Variants in LNPK observed in about 807,000 individuals in gnomAD.
The protein encoded by LNPK is endoplasmic reticulum junction formation protein lunapark.
LNPK carries 29 observed loss-of-function variants against 55.2 expected under a neutral mutation model. The ratio of observed to expected loss-of-function variants is 0.53; its 90% CI spans 0.39 to 0.72. The LOEUF (loss-of-function observed/expected upper bound fraction) is 0.72. Ranked by LOEUF, LNPK falls within the 30% of genes least tolerant of loss-of-function variation. The probability of loss-of-function intolerance (pLI) is 0.00; values close to 1 mark genes in which losing one functional copy is unlikely to be tolerated. For missense variants in LNPK, 467 were observed against 494.8 expected (o/e 0.94, Z 0.53); for synonymous variants, 162 against 168.2 (o/e 0.96, Z 0.29).
intron 1 of LNPK, among the ~76,000 whole-genome samples, chr2:175,998,209 C>G (rs1309460740): frequency 6.6e-6 from 1 of 151,792 alleles, no homozygotes; most frequent in Non-Finnish European, 1.5e-5. Context: ...TTTGGGAGGC[C>G]GAGGCGGGTG....
At chr2:175,986,028 G>A (rs1162281656) in intron 4 of LNPK, among the ~76,000 whole-genome samples, 1 of 152,102 alleles carries the variant, frequency 6.6e-6, no homozygotes, top group African/African-American at 2.4e-5. Flanking sequence ...TCTTCTTAAA[G>A]GATGTGTTTC....
At chr2:175,958,524 C>T (rs1363493815) in intron 8 of LNPK, among the ~76,000 whole-genome samples, 3 of 151,434 alleles carry the variant, frequency 2.0e-5, no homozygotes, top group Non-Finnish European at 4.4e-5. Flanking sequence ...ATAGTATCAA[C>T]ATCAACAAAA....
At chr2:175,966,710 T>C (rs961905723) in intron 6 of LNPK, among the ~76,000 whole-genome samples, 1 of 152,230 alleles carries the variant, frequency 6.6e-6, no homozygotes, top group Non-Finnish European at 1.5e-5. Flanking sequence ...AGTAATAATA[T>C]GTTTTAAATA....
intron 9 of LNPK, among the ~76,000 whole-genome samples, chr2:175,941,869 T>C (rs975930691): frequency 3.3e-5 from 4 of 123,028 alleles, no homozygotes; most frequent in African/African-American, 1.3e-4. Context: ...AAATACATTA[T>C]GTACAGAGAA....
At position 175,925,665 on chromosome 2, in the gene LNPK, C is replaced by CTTT. The variant is rs767330282; in HGVS notation, c.*4299_*4301dup. On this transcript the variant is annotated 3_prime_UTR_variant, in exon 13 of 13. Transcript: ENST00000272748. ...ATGGCGTGGCAGATTCATTTTCTTT[C>CTTT]TTTCTTTTTTTTTTTTGAGATGGAG... is the stretch of plus-strand genomic sequence containing the variant. 2.1e-5 allele frequency: 3 copies of CTTT among 145,502 alleles called. No homozygotes were observed. The highest frequency in any genetic ancestry group is 3.0e-5 in the Non-Finnish European group (2 of 67,784). 9.0% of individuals were successfully genotyped at this position (145,502 alleles called of 1,614,324 possible). A position where few individuals can be genotyped will look rare whatever the true frequency, so the allele number is the denominator to read the frequency against.
At chr2:175,980,450 T>C (rs1449405108) in intron 4 of LNPK, among the ~76,000 whole-genome samples, 1 of 152,190 alleles carries the variant, frequency 6.6e-6, no homozygotes, top group Non-Finnish European at 1.5e-5. Context: ...CCCAAAGATT[T>C]TATAAGGATA....
intron 8 of LNPK, among the ~76,000 whole-genome samples, chr2:175,948,712 T>C (rs1039528106): frequency 1.3e-5 from 2 of 152,184 alleles, no homozygotes; most frequent in African/African-American, 4.8e-5. Flanking sequence ...TTGGCATAAA[T>C]AGTAAAAATA....
intron 1 of LNPK, among the ~76,000 whole-genome samples, chr2:175,997,210 T>A (rs928249259): frequency 2.0e-5 from 3 of 152,186 alleles, no homozygotes; most frequent in African/African-American, 7.2e-5. Context: ...CCTGAAAAAC[T>A]CTAAGGTTTA....
intron 12 of LNPK, among the ~76,000 whole-genome samples, chr2:175,934,101 G>A (rs955919534): frequency 5.9e-5 from 9 of 152,086 alleles, no homozygotes; most frequent in East Asian, 3.9e-4. Flanking sequence ...GGAGTGAGAC[G>A]GCCAAAAGAT....
At chr2:175,980,957 T>G (rs1187124785) in intron 4 of LNPK, among the ~76,000 whole-genome samples, 6 of 151,894 alleles carry the variant, frequency 4.0e-5, no homozygotes, top group Admixed American at 3.9e-4. Flanking sequence ...TTCATCATCT[T>G]AAAACATACA....
intron 12 of LNPK, among the ~76,000 whole-genome samples, chr2:175,930,987 A>G (rs967005845): frequency 6.6e-6 from 1 of 152,188 alleles, no homozygotes; most frequent in Non-Finnish European, 1.5e-5. Context: ...AAATAATATA[A>G]CAATTGTATT....
intron 4 of LNPK, among the ~76,000 whole-genome samples, chr2:175,984,043 G>A (rs900894463): frequency 2.6e-5 from 4 of 151,780 alleles, no homozygotes; most frequent in Non-Finnish European, 5.9e-5. Flanking sequence ...AATTAATAAA[G>A]GGAAAAACTG....
At chr2:175,982,583 C>A (rs1296491941) in intron 4 of LNPK, among the ~76,000 whole-genome samples, 5 of 152,088 alleles carry the variant, frequency 3.3e-5, no homozygotes, top group Non-Finnish European at 7.4e-5. Context: ...TTTGTAGAGA[C>A]AGGATCTCAC....
intron 4 of LNPK, among the ~76,000 whole-genome samples, chr2:175,989,067 G>A (rs977564602): frequency 6.6e-6 from 1 of 152,138 alleles, no homozygotes; most frequent in Non-Finnish European, 1.5e-5. Flanking sequence ...GAGCCACCAC[G>A]CCTGGCTGAA....
At chr2:175,969,854 T>C (rs1435937865) in intron 6 of LNPK, among the ~76,000 whole-genome samples, 1 of 152,170 alleles carries the variant, frequency 6.6e-6, no homozygotes, top group African/African-American at 2.4e-5. Flanking sequence ...AAGGAATCCT[T>C]TCAAAATTAA....
upstream of LNPK, chr2:176,002,402 G>A (rs1017470762): frequency 7.9e-5 from 28 of 352,298 alleles, no homozygotes; most frequent in African/African-American, 5.8e-4. Flanking sequence ...TCGGCCGGGA[G>A]GTTAGGATCT....
At chr2:175,992,134 C>CA in intron 4 of LNPK, 97 bp downstream of exon 4, 1 of 726,400 alleles carries the variant, frequency 1.4e-6, no homozygotes, top group Non-Finnish European at 2.1e-6. Flanking sequence ...CAGATATTAC[C>CA]ATTTAATAAT....
At chr2:175,951,888 C>A (rs1482885474) in intron 8 of LNPK, among the ~76,000 whole-genome samples, 1 of 151,798 alleles carries the variant, frequency 6.6e-6, no homozygotes, top group Non-Finnish European at 1.5e-5. Context: ...CACACCCACA[C>A]CAACATCTTC....
intron 8 of LNPK, among the ~76,000 whole-genome samples, chr2:175,950,587 A>T (rs1361726988): frequency 6.6e-6 from 1 of 152,140 alleles, no homozygotes; most frequent in Non-Finnish European, 1.5e-5. Context: ...TATATTAAAC[A>T]GAAGCTTAAA....
Sources: gnomAD v4.1 joint callset for allele counts (sites outside exome capture counted in the v4.1 genomes callset) on GRCh38, gnomAD v4.1.1 for gene constraint, MANE v1.5 for transcripts, NCBI Gene and HGNC (gene_info 2026-07-23, HGNC 2026-07-21) for gene names.